The following HIVEP1 variants were observed in gnomAD, a reference collection of about 807,000 sequenced individuals.
HIVEP1 encodes the protein zinc finger protein 40.
HIVEP1 carries 36 observed loss-of-function variants against 180.0 expected under a neutral mutation model. The ratio of observed to expected loss-of-function variants is 0.20; its 90% CI spans 0.15 to 0.26. The LOEUF (loss-of-function observed/expected upper bound fraction) is 0.26, where lower values mean the gene tolerates loss of function less well. HIVEP1 is among the 10% of genes least tolerant of loss of function. HIVEP1 has a pLI of 1.00. For synonymous variants in HIVEP1, 1,239 were observed against 1,239.0 expected (o/e 1.00, Z 0.00); for missense variants, 3,143 against 3,268.7 (o/e 0.96, Z 0.94).
intron 2 of HIVEP1, among the ~76,000 whole-genome samples, chr6:12,049,343 AT>A (rs1407798423): frequency 6.6e-6 from 1 of 152,032 alleles, no homozygotes; most frequent in Non-Finnish European, 1.5e-5. Context: ...TCTCTCTAAG[AT>A]TTGGCTACTG....
rs539476088 is a variant in HIVEP1 at position 12,058,753 on chromosome 6, A to G, written c.41-30431A>G. On this transcript the variant is annotated intron_variant, in intron 2 of 8. Coordinates refer to ENST00000379388, the MANE Select transcript of HIVEP1 (RefSeq NM_002114.4). ...TACTGGTGATGGTATTGCTGGAACT[A>G]GACTCCTGGTCTCTTGATACAAGTC... is the stretch of plus-strand genomic sequence containing the variant. Among the ~76,000 whole-genome samples, 88 of 152,292 alleles carry G rather than the reference A, an allele frequency of 5.8e-4. 2 individuals are homozygous for G. The South Asian group carries it at 0.017, about 30-fold the overall frequency.
chr6:12,018,869 A>G (rs1031299764), intron 2 of HIVEP1, among the ~76,000 whole-genome samples: 2 of 152,218 alleles, frequency 1.3e-5, no homozygotes, highest in Non-Finnish European at 2.9e-5. Flanking sequence ...ATACTGGAGC[A>G]GGAGAATCAG....
At position 12,130,809 on chromosome 6, in the gene HIVEP1, A is replaced by G. The variant is rs753577657; in HGVS notation, c.6252A>G (p.Gly2084=). The stretch of plus-strand genomic sequence containing the variant: ...AGTATGTATATGTCCGAGGCAGGGG[A>G]AGAGGAAAATACATTTGTGAAGAAT... The part of the protein sequence containing the change: ...NEEYVYVRGR[G]RGKYICEECG... The change falls in exon 6 of 9, where the codon GGA becomes GGG. Residue 2084 remains glycine (G), a synonymous_variant. Transcript: ENST00000379388. 2.6e-5 allele frequency: 42 copies of G among 1,610,654 alleles called. No individual in the cohort carries two copies. In the South Asian group the frequency reaches 3.5e-4, roughly 13 times the overall value.
chr6:12,111,113 C>T (rs1774862029), intron 3 of HIVEP1, among the ~76,000 whole-genome samples: 1 of 152,078 alleles, frequency 6.6e-6, no homozygotes, highest in African/African-American at 2.4e-5. Context: ...AAAATAATTA[C>T]AACAGTAAAA....
At chr6:12,144,558 C>T (rs2113625796) in intron 7 of HIVEP1, among the ~76,000 whole-genome samples, 1 of 151,286 alleles carries the variant, frequency 6.6e-6, no homozygotes, top group South Asian at 2.1e-4. Flanking sequence ...AGAGCTTCTG[C>T]ACGAAACTAC....
chr6:12,139,821 C>A lies in HIVEP1; in HGVS notation c.6487+3929C>A, dbSNP rs549953210. ...CATTGCTGAGGCTTGAGTAGGTAAA[C>A]AAAGAGGCTGGGGAAGCTCAAACTG... On this transcript the variant is annotated intron_variant, in intron 7 of 8. Coordinates refer to ENST00000379388, the MANE Select transcript of HIVEP1 (RefSeq NM_002114.4). Among the ~76,000 whole-genome samples, 15 of 152,344 alleles carry A rather than the reference C, an allele frequency of 9.8e-5. No individual in the cohort carries two copies. In the South Asian group the frequency reaches 3.1e-3, roughly 32 times the overall value.
intron 3 of HIVEP1, among the ~76,000 whole-genome samples, chr6:12,110,908 T>C (rs1372874441): frequency 6.6e-6 from 1 of 152,224 alleles, no homozygotes; most frequent in Non-Finnish European, 1.5e-5. Context: ...CATGCAACTC[T>C]TCCTTTCACT....
At chr6:12,101,113 A>G (rs921247597) in intron 3 of HIVEP1, among the ~76,000 whole-genome samples, 1 of 152,204 alleles carries the variant, frequency 6.6e-6, no homozygotes, top group African/African-American at 2.4e-5. Flanking sequence ...ATTTCATGAC[A>G]CTTCACATCA....
chr6:12,090,759 T>TTTTTTTTA (rs70981662), intron 3 of HIVEP1, among the ~76,000 whole-genome samples: 1 of 130,338 alleles, frequency 7.7e-6, no homozygotes, highest in African/African-American at 2.8e-5. Context: ...TTTTTTTTTT[T>TTTTTTTTA]ACATCTAGTC....
intron 3 of HIVEP1, among the ~76,000 whole-genome samples, chr6:12,117,044 C>T (rs551528229): frequency 6.6e-6 from 1 of 152,250 alleles, no homozygotes; most frequent in Non-Finnish European, 1.5e-5. Context: ...TGTGACAATT[C>T]AGTTGTCAAC....
chr6:12,185,176 G>A, the HIVEP1 span, among the ~76,000 whole-genome samples: 1 of 152,218 alleles, frequency 6.6e-6, no homozygotes, highest in African/African-American at 2.4e-5. Context: ...TGGAATCACA[G>A]GCAGGCAGAC....
At chr6:12,036,728 ACC>A (rs916319481) in intron 2 of HIVEP1, among the ~76,000 whole-genome samples, 1 of 152,154 alleles carries the variant, frequency 6.6e-6, no homozygotes, top group Admixed American at 6.5e-5. Flanking sequence ...ACATGGGGGA[ACC>A]CCATCTGTAC....
At chr6:12,012,655 G>C (rs1404778004) in intron 1 of HIVEP1, 89 bp downstream of exon 1, 1 of 148,196 alleles carries the variant, frequency 6.7e-6, no homozygotes, top group African/African-American at 2.5e-5. Context: ...TCCCTTCGGC[G>C]GGCGGGGGGC....
intron 4 of HIVEP1, among the ~76,000 whole-genome samples, chr6:12,127,055 A>C (rs1016624810): frequency 6.6e-6 from 1 of 152,076 alleles, no homozygotes; most frequent in South Asian, 2.1e-4. Flanking sequence ...GAGTTTCGCC[A>C]TGTCTGGTTT....
At chr6:12,035,632 C>A (rs1426439523) in intron 2 of HIVEP1, among the ~76,000 whole-genome samples, 2 of 152,012 alleles carry the variant, frequency 1.3e-5, no homozygotes, top group Non-Finnish European at 1.5e-5. Flanking sequence ...TATTTGTATA[C>A]CCACATAAGC....
At chr6:12,105,427 C>A (rs1360140368) in intron 3 of HIVEP1, among the ~76,000 whole-genome samples, 1 of 152,184 alleles carries the variant, frequency 6.6e-6, no homozygotes, top group African/African-American at 2.4e-5. Flanking sequence ...CTACTGATCT[C>A]CCCTGTTTGG....
At chr6:12,031,770 G>A (rs899541156) in intron 2 of HIVEP1, among the ~76,000 whole-genome samples, 10 of 152,206 alleles carry the variant, frequency 6.6e-5, no homozygotes, top group African/African-American at 2.4e-4. Context: ...GCTGACAGTG[G>A]TGGTTCTTGA....
In HIVEP1 at chr6:12,087,462, A is replaced by G. The variant is rs184150590; in HGVS notation, c.41-1722A>G. On this transcript the variant is annotated intron_variant, in intron 2 of 8. Coordinates refer to ENST00000379388, the MANE Select transcript of HIVEP1 (RefSeq NM_002114.4). ...AATATATAATACATATATATTATTTATGATTCTTAAGTTTGGGTGAATTAC... is the reference window on the plus strand; with the variant it reads ...AATATATAATACATATATATTATTTGTGATTCTTAAGTTTGGGTGAATTAC... Among the ~76,000 whole-genome samples, 8 of 152,236 alleles carry G rather than the reference A, an allele frequency of 5.3e-5. No individual in the cohort carries two copies. In the East Asian group the frequency reaches 1.5e-3, roughly 29 times the overall value.
chr6:12,164,122 C>T lies in HIVEP1; in HGVS notation c.7818C>T (p.Val2606=), dbSNP rs1244729904. 1 of 1,614,060 alleles carries T rather than the reference C, an allele frequency of 6.2e-7. No individual in the cohort carries two copies. Among genetic ancestry groups the T allele is most frequent in the East Asian group, 2.2e-5 (1 of 44,882 alleles). ...AGTCTCCTCAGGGGTTACCTACAGT[C>T]CAGCGGGAAAATGCAAAAAAAGTTC... ...RTESPQGLPT[V]QRENAKKVLN... The change falls in exon 9 of 9, where the codon GTC becomes GTT. Residue 2606 remains valine (V), a synonymous_variant. Transcript: ENST00000379388.
Sources: allele counts gnomAD v4.1 joint callset (sites outside exome capture counted in the v4.1 genomes callset), GRCh38; gene constraint gnomAD v4.1.1; transcripts MANE v1.5; gene names NCBI Gene and HGNC (gene_info 2026-07-23, HGNC 2026-07-21).